GCNA: variants seen among roughly 807,000 people sequenced by gnomAD.
GCNA encodes the protein germ cell nuclear acidic protein.
A neutral mutation model predicts 38.8 loss-of-function variants in GCNA; 3 were observed. That is an observed-to-expected ratio of 0.08 (90% CI 0.04 to 0.20). The LOEUF (loss-of-function observed/expected upper bound fraction) is 0.20, where lower values mean the gene tolerates loss of function less well. Among genes scored for constraint, GCNA ranks in the 10% least tolerant of loss-of-function variants. The pLI is 1.00. For missense variants in GCNA, 446 were observed against 578.6 expected (o/e 0.77, Z 2.35); for synonymous variants, 195 against 240.2 (o/e 0.81, Z 1.74).
chrX:71,588,409 T>C (rs781240120), intron 2 of GCNA, among the ~76,000 whole-genome samples: 2 of 112,461 alleles, frequency 1.8e-5, no homozygotes, highest in South Asian at 7.3e-4. Context: ...TTCACATGCC[T>C]GCATCCTCCC....
intron 9 of GCNA, among the ~76,000 whole-genome samples, chrX:71,606,630 A>T (rs768783946): frequency 8.9e-6 from 1 of 111,905 alleles, no homozygotes; most frequent in South Asian, 3.7e-4. Context: ...AGGGAGGGGA[A>T]AAAGACTGAT....
In GCNA at chrX:71,604,015, C is replaced by G; in HGVS notation, c.738C>G (p.Asp246Glu). 8.3e-7 allele frequency: 1 copy of G among 1,205,776 alleles called. No homozygotes were observed. Among genetic ancestry groups the G allele is most frequent in the Non-Finnish European group, 1.1e-6 (1 of 894,075 alleles). ...GCAGTGATGATTCGGAAGCTCCCGA[C>G]GACAGCAGTGATGATTCGGAAGCTC... ...DDSSDDSEAP[D>E]DSSDDSEAPD... The change falls in exon 8 of 13, where the codon GAC (aspartate) becomes GAG (glutamate). Residue 246 changes from aspartate to glutamate, a missense_variant. Asp to Glu is a conservative substitution (Grantham distance 45). Coordinates refer to ENST00000373696, the MANE Select transcript of GCNA (RefSeq NM_052957.5).
In GCNA at chrX:71,604,688, A is replaced by T. The variant is rs752742539; in HGVS notation, c.1399+12A>T. ...ATCTGTGACACCTGGTAAGCCAGTC[A>T]TGCCAAGTATGCCTGTCCCACTGAA... is the stretch of plus-strand genomic sequence containing the variant. On this transcript the variant is annotated intron_variant, in intron 8 of 12. Transcript: ENST00000373696. The T allele has an allele frequency of 2.5e-6, 3 of 1,206,237 alleles. No individual in the cohort carries two copies. Among genetic ancestry groups the T allele is most frequent in the East Asian group, 5.9e-5 (2 of 33,838 alleles).
At position 71,612,944 on chromosome X, in the gene GCNA, A is replaced by G. The variant is rs1379639631; in HGVS notation, c.2038A>G (p.Thr680Ala). The change falls in exon 13 of 13, where the codon ACT (threonine) becomes GCT (alanine). Residue 680 changes from threonine to alanine, a missense_variant. Thr to Ala is a moderately conservative substitution (Grantham distance 58, BLOSUM62 0). Coordinates refer to ENST00000373696, the MANE Select transcript of GCNA (RefSeq NM_052957.5). ...GGGGTCTCTGGTCATGGTGCCATTAACTCAGAAAGATGGGACCCGTATTGT... is the reference window on the plus strand; with the variant it reads ...GGGGTCTCTGGTCATGGTGCCATTAGCTCAGAAAGATGGGACCCGTATTGT... Reference protein sequence around the residue: ...CKGSLVMVPLTQKDGTRIVPH... With the variant: ...CKGSLVMVPLAQKDGTRIVPH... 2 of 1,209,573 alleles carry G rather than the reference A, an allele frequency of 1.7e-6. No homozygotes were observed. Among genetic ancestry groups the G allele is most frequent in the African/African-American group, 3.5e-5 (2 of 57,035 alleles).
intron 1 of GCNA, 110 bp from the exon 2 acceptor site, chrX:71,580,710 G>A (rs1391560045): frequency 4.7e-6 from 3 of 640,618 alleles, no homozygotes; most frequent in Non-Finnish European, 7.3e-6. Flanking sequence ...TCATGACATT[G>A]TGATCTGCCC....
chrX:71,600,403 A>G (rs1328640777), intron 7 of GCNA, among the ~76,000 whole-genome samples: 5 of 112,322 alleles, frequency 4.5e-5, no homozygotes. Flanking sequence ...CATAATCACA[A>G]AATAAAGGAC....
chrX:71,606,008 C>T (rs1355943860), intron 9 of GCNA, among the ~76,000 whole-genome samples: 4 of 112,773 alleles, frequency 3.5e-5, no homozygotes, highest in East Asian at 2.8e-4. Flanking sequence ...CTTTCTGCAC[C>T]CACAGCAGCT....
At chrX:71,592,006 T>C in intron 2 of GCNA, 116 bp from the exon 3 acceptor site, 1 of 651,943 alleles carries the variant, frequency 1.5e-6, no homozygotes, top group Non-Finnish European at 2.4e-6. Flanking sequence ...AAAACCTTTT[T>C]TGCATTTCAG....
At chrX:71,593,467 G>T (rs925157411) in intron 4 of GCNA, among the ~76,000 whole-genome samples, 1 of 111,909 alleles carries the variant, frequency 8.9e-6, no homozygotes, top group Non-Finnish European at 1.9e-5. Flanking sequence ...AGCAGGAAGT[G>T]CTTGGCTTCA....
At chrX:71,594,831 G>A (rs758305032) in intron 6 of GCNA, 52 bp downstream of exon 6, 11 of 1,117,562 alleles carry the variant, frequency 9.8e-6, no homozygotes, top group Middle Eastern at 2.5e-4. Context: ...TTTAAATTAA[G>A]GGGGGAAAAA....
At position 71,604,477 on chromosome X, in the gene GCNA, G is replaced by A; in HGVS notation, c.1200G>A (p.Glu400=). ...TTTCAGAGAGAAAGCTGCCAACTGA[G>A]GAAGAGCCTGCACCTGTGGTGGAAC... is the stretch of plus-strand genomic sequence containing the variant. The part of the protein sequence containing the change: ...PEVSERKLPT[E]EEPAPVVEQS... The change falls in exon 8 of 13, where the codon GAG becomes GAA. Residue 400 remains glutamate (E), a synonymous_variant. Coordinates refer to ENST00000373696, the MANE Select transcript of GCNA (RefSeq NM_052957.5). 1 of 1,204,465 alleles carries A rather than the reference G, an allele frequency of 8.3e-7. No homozygotes were observed. The highest frequency in any genetic ancestry group is 1.8e-5 in the South Asian group (1 of 55,866).
At chrX:71,609,977 C>T (rs756268338) in intron 10 of GCNA, among the ~76,000 whole-genome samples, 2 of 111,726 alleles carry the variant, frequency 1.8e-5, no homozygotes, top group Non-Finnish European at 3.8e-5. Flanking sequence ...AGTGGTGTCA[C>T]ATCAGATGGG....
chrX:71,591,234 T>C (rs1396702553), intron 2 of GCNA, among the ~76,000 whole-genome samples: 4 of 111,369 alleles, frequency 3.6e-5, no homozygotes, highest in Non-Finnish European at 7.5e-5. Flanking sequence ...TCTGGTGAGC[T>C]GAAGGGTTCC....
rs778303958 is a variant in GCNA, at chrX:71,609,127, A to G, written c.1611+10A>G. 2 of 1,201,282 alleles carry G rather than the reference A, an allele frequency of 1.7e-6. No individual in the cohort carries two copies. The highest frequency in any genetic ancestry group is 2.3e-6 in the Non-Finnish European group (2 of 887,471). The stretch of plus-strand genomic sequence containing the variant: ...CGTCTGTGATAAAAAGGTAGGATCA[A>G]TGAATGAGCACTGATTGAGCACCTG... On this transcript the variant is annotated intron_variant, in intron 10 of 12. Transcript: ENST00000373696.
chrX:71,605,496 C>T (rs1216504785), intron 8 of GCNA, among the ~76,000 whole-genome samples, 167 bp from the exon 9 acceptor site: 1 of 112,672 alleles, frequency 8.9e-6, no homozygotes, highest in African/African-American at 3.2e-5. Context: ...TGGGTGAGAT[C>T]GTTGAGAATG....
chrX:71,606,718 G>T (rs748711557), intron 9 of GCNA, among the ~76,000 whole-genome samples: 2 of 111,878 alleles, frequency 1.8e-5, no homozygotes, highest in Non-Finnish European at 3.8e-5. Flanking sequence ...TTAGGCAGCC[G>T]GTAGCAGCTT....
rs1229608808 is a variant in GCNA, at chrX:71,613,219, T to A, written c.*237T>A. 8.2e-6 allele frequency: 3 copies of A among 367,078 alleles called. No individual in the cohort carries two copies. The highest frequency in any genetic ancestry group is 1.4e-5 in the Non-Finnish European group (3 of 215,805). 30.3% of individuals were successfully genotyped at this position (367,078 alleles called of 1,213,427 possible). A position where few individuals can be genotyped will look rare whatever the true frequency, so the allele number is the denominator to read the frequency against. On this transcript the variant is annotated 3_prime_UTR_variant, in exon 13 of 13. Coordinates refer to ENST00000373696, the MANE Select transcript of GCNA (RefSeq NM_052957.5). ...TTAGGTACTGTTAAGTAAGTAATGT[T>A]AGAATTTAAGATTCATGTTATTAAC...
rs1208495346 is a variant in GCNA, at chrX:71,604,273, G to T, written c.996G>T (p.Leu332Phe). 25 of 1,211,345 alleles carry T rather than the reference G, an allele frequency of 2.1e-5. No homozygotes were observed. The highest frequency in any genetic ancestry group is 2.8e-5 in the Non-Finnish European group (25 of 895,541). ...TTCCCGATGACAATAGTGATGATTTGGAAGTTCCTGTGCCAGCAGAAGATT... is the reference window on the plus strand; with the variant it reads ...TTCCCGATGACAATAGTGATGATTTTGAAGTTCCTGTGCCAGCAGAAGATT... Reference protein sequence around the residue: ...SDVPDDNSDDLEVPVPAEDLC... With the variant: ...SDVPDDNSDDFEVPVPAEDLC... Residue 332 changes from leucine (L) to phenylalanine (F), a missense_variant, in exon 8 of 13, where the codon TTG becomes TTT. This residue lies in a region of GCNA where 160 missense variants were observed against 165.2 expected (regional missense o/e 0.97). Transcript: ENST00000373696.
chrX:71,581,426 C>G (rs1262511475), intron 2 of GCNA, among the ~76,000 whole-genome samples: 1 of 111,774 alleles, frequency 8.9e-6, no homozygotes. Context: ...CTGCCTGTCT[C>G]TAAGTTTTTT....
Sources: gnomAD v4.1 joint callset for allele counts (sites outside exome capture counted in the v4.1 genomes callset) on GRCh38, gnomAD v4.1.1 for gene constraint, gnomAD v4.1.1 regional missense constraint, MANE v1.5 for transcripts, NCBI Gene and HGNC (gene_info 2026-07-23, HGNC 2026-07-21) for gene names.